The following FOXP2 variants were observed in gnomAD, a reference collection of about 807,000 sequenced individuals.
The protein encoded by FOXP2 is forkhead box protein P2.
Under a neutral mutation model 115.8 loss-of-function variants are expected in FOXP2, and 12 were observed. The observed-to-expected ratio is 0.10, with a 90% CI of 0.07 to 0.17. FOXP2 has a LOEUF of 0.17. Among genes scored for constraint, FOXP2 ranks in the 10% least tolerant of loss-of-function variants. The pLI is 1.00. For synonymous variants in FOXP2, 328 were observed against 297.7 expected (o/e 1.10, Z -1.05); for missense variants, 629 against 843.5 (o/e 0.75, Z 3.15).
At chr7:114,446,248 A>T (rs1794831934) in intron 2 of FOXP2, among the ~76,000 whole-genome samples, 1 of 152,076 alleles carries the variant, frequency 6.6e-6, no homozygotes, top group South Asian at 2.1e-4. Flanking sequence ...TCGTTATATC[A>T]TCAAGTTATT....
chr7:114,346,023 A>G (rs1791338447), intron 2 of FOXP2, among the ~76,000 whole-genome samples: 1 of 151,840 alleles, frequency 6.6e-6, no homozygotes, highest in Non-Finnish European at 1.5e-5. Flanking sequence ...TTTTATTCAC[A>G]AAGATAATTG....
At chr7:114,477,871 G>A (rs139074240) in intron 2 of FOXP2, among the ~76,000 whole-genome samples, 15 of 151,874 alleles carry the variant, frequency 9.9e-5, no homozygotes, top group African/African-American at 3.1e-4. Flanking sequence ...TAGGAAGGGA[G>A]AATTGATACT....
At chr7:114,254,522 T>G (rs1441562792) in intron 1 of FOXP2, among the ~76,000 whole-genome samples, 1 of 152,228 alleles carries the variant, frequency 6.6e-6, no homozygotes, top group East Asian at 1.9e-4. Context: ...AAACTTCTCT[T>G]CTCGCTTCAT....
At chr7:114,468,600 C>T (rs558950185) in intron 2 of FOXP2, among the ~76,000 whole-genome samples, 7 of 152,104 alleles carry the variant, frequency 4.6e-5, no homozygotes, top group South Asian at 4.2e-4. Context: ...TCATGTTATC[C>T]CCTACCTGGA....
At chr7:114,582,075 A>C (rs1320972416) in intron 3 of FOXP2, among the ~76,000 whole-genome samples, 1 of 152,200 alleles carries the variant, frequency 6.6e-6, no homozygotes, top group African/African-American at 2.4e-5. Flanking sequence ...ATCTTGGTGC[A>C]GGGGAGATGT....
chr7:114,340,207 T>C (rs2129184192), intron 2 of FOXP2, among the ~76,000 whole-genome samples: 1 of 151,302 alleles, frequency 6.6e-6, no homozygotes, highest in Non-Finnish European at 1.5e-5. Flanking sequence ...CCCACAATGC[T>C]GTTTTATATA....
intron 1 of FOXP2, among the ~76,000 whole-genome samples, chr7:114,255,068 G>C (rs190954967): frequency 3.9e-4 from 59 of 152,296 alleles, no homozygotes; most frequent in African/African-American, 1.4e-3. Flanking sequence ...TCCAGACCCT[G>C]TTTGCCTGGG....
chr7:114,559,964 A>G (rs916598150), intron 3 of FOXP2, among the ~76,000 whole-genome samples: 1 of 152,126 alleles, frequency 6.6e-6, no homozygotes, highest in Non-Finnish European at 1.5e-5. Flanking sequence ...TAATAGGTTA[A>G]TATGAAGTAC....
At chr7:114,523,390 A>G (rs915724828) in intron 2 of FOXP2, among the ~76,000 whole-genome samples, 7 of 152,098 alleles carry the variant, frequency 4.6e-5, no homozygotes, top group Non-Finnish European at 2.9e-5. Context: ...CTCTTCTCAA[A>G]TGGTTTTTCC....
chr7:114,680,052 G>C (rs1808004696), intron 16 of FOXP2, among the ~76,000 whole-genome samples: 2 of 152,028 alleles, frequency 1.3e-5, no homozygotes, highest in Non-Finnish European at 2.9e-5. Flanking sequence ...TTCAATTTCA[G>C]TTACTGACTT....
intron 1 of FOXP2, among the ~76,000 whole-genome samples, chr7:114,199,071 G>A (rs906585517): frequency 6.6e-6 from 1 of 152,142 alleles, no homozygotes; most frequent in Non-Finnish European, 1.5e-5. Context: ...TGGAGTGAGT[G>A]CAGTGGGGTG....
intron 1 of FOXP2, among the ~76,000 whole-genome samples, chr7:114,111,106 C>CTAA (rs1297724187): frequency 6.6e-6 from 1 of 152,090 alleles, no homozygotes; most frequent in South Asian, 2.1e-4. Context: ...TATTAGAGTG[C>CTAA]TGCATTAATG....
rs924254942 is a variant in FOXP2 at position 114,477,631 on chromosome 7, CT to C, written c.168+50953del. 2.9e-4 allele frequency among the ~76,000 whole-genome samples: 44 copies of C among 151,892 alleles called. 1 individual carries two copies. Among genetic ancestry groups the C allele is most frequent in the Admixed American group, 6.6e-4 (10 of 15,186 alleles). The stretch of plus-strand genomic sequence containing the variant: ...GTAACAAACCTGCCACATGTACCCC[CT>C]GTATCTAATGTAAACATTGAAAGTA... On this transcript the variant is annotated intron_variant, in intron 2 of 16. Coordinates refer to ENST00000350908, the MANE Select transcript of FOXP2 (RefSeq NM_014491.4).
rs71157577 is a variant in FOXP2, at chr7:114,274,603, CTTTTTTTTTTTTT to C, written c.-101-13399_-101-13387del. ...TGGATTGGTTTTTTCCCTCTCAAAGCTTTTTTTTTTTTTTTTTTTTTTTTTTTTTGAGGCAGGA... is the reference window on the plus strand; with the variant it reads ...TGGATTGGTTTTTTCCCTCTCAAAGCTTTTTTTTTTTTTTTTGAGGCAGGA... On this transcript the variant is annotated intron_variant, in intron 1 of 17. Coordinates refer to the FOXP2 transcript ENST00000634411. Among the ~76,000 whole-genome samples the C allele has an allele frequency of 3.3e-4, 14 of 42,578 alleles. 1 individual carries two copies. The Admixed American group carries it at 5.8e-3, about 18-fold the overall frequency. The allele number at this position is 42,578 out of a possible 152,430, so 27.9% of individuals were successfully genotyped here. A position where few individuals can be genotyped will look rare whatever the true frequency, so the allele number is the denominator to read the frequency against.
intron 1 of FOXP2, among the ~76,000 whole-genome samples, chr7:114,180,264 C>G (rs1161538829): frequency 1.3e-5 from 2 of 151,990 alleles, no homozygotes; most frequent in Non-Finnish European, 2.9e-5. Flanking sequence ...ACTGCTTCCT[C>G]TTTCTATCAT....
chr7:114,562,340 C>T (rs571990843), intron 3 of FOXP2, among the ~76,000 whole-genome samples: 2 of 152,292 alleles, frequency 1.3e-5, no homozygotes, highest in African/African-American at 4.8e-5. Context: ...AGACACCTTA[C>T]TCTGCCTCTC....
intron 1 of FOXP2, among the ~76,000 whole-genome samples, chr7:114,101,914 T>TGTGC (rs1338653771): frequency 6.7e-6 from 1 of 148,952 alleles, no homozygotes; most frequent in Non-Finnish European, 1.5e-5. Context: ...TGTGTGTGTG[T>TGTGC]GTGTGTGTGT....
At chr7:114,457,001 T>C (rs1260431070) in intron 2 of FOXP2, among the ~76,000 whole-genome samples, 1 of 152,010 alleles carries the variant, frequency 6.6e-6, no homozygotes, top group African/African-American at 2.4e-5. Context: ...AATAAAATGG[T>C]GATTATCAAG....
At chr7:114,501,130 A>G (rs1797549962) in intron 2 of FOXP2, among the ~76,000 whole-genome samples, 1 of 152,132 alleles carries the variant, frequency 6.6e-6, no homozygotes, top group Non-Finnish European at 1.5e-5. Context: ...AATTAACCCA[A>G]CAGAACTACA....
Sources: allele counts gnomAD v4.1 joint callset (sites outside exome capture counted in the v4.1 genomes callset), GRCh38; gene constraint gnomAD v4.1.1; transcripts MANE v1.5; gene names NCBI Gene and HGNC (gene_info 2026-07-23, HGNC 2026-07-21).